SGCZ: variants seen among roughly 807,000 people sequenced by gnomAD.
SGCZ encodes sarcoglycan zeta, also known as zeta-sarcoglycan.
A neutral mutation model predicts 41.3 loss-of-function variants in SGCZ; 40 were observed. That is an observed-to-expected ratio of 0.97 (90% CI 0.75 to 1.26). The LOEUF is 1.26. Ranked by LOEUF, SGCZ falls within the 50% of genes most tolerant of loss-of-function variation. The probability of loss-of-function intolerance (pLI) is 0.00; values close to 1 mark genes in which losing one functional copy is unlikely to be tolerated. For missense variants in SGCZ, 552 were observed against 369.8 expected (o/e 1.49, Z -4.04); for synonymous variants, 206 against 137.5 (o/e 1.50, Z -3.49).
At chr8:14,164,738 T>C in intron 4 of SGCZ, 36 bp from the exon 5 acceptor site, 1 of 1,607,450 alleles carries the variant, frequency 6.2e-7, no homozygotes, top group East Asian at 2.2e-5. Context: ...ATGAAACTGG[T>C]ATGCAGGAAA....
chr8:14,732,770 T>G (rs1798904946), intron 1 of SGCZ, among the ~76,000 whole-genome samples: 1 of 152,102 alleles, frequency 6.6e-6, no homozygotes, highest in Non-Finnish European at 1.5e-5. Flanking sequence ...AGAGAAGTAT[T>G]TTATAAACTA....
chr8:14,125,502 T>C (rs1802824332), intron 5 of SGCZ, among the ~76,000 whole-genome samples: 1 of 87,340 alleles, frequency 1.1e-5, no homozygotes, highest in Admixed American at 1.3e-4. Flanking sequence ...AGATTCCGTC[T>C]CAAAAAAAAA....
intron 4 of SGCZ, among the ~76,000 whole-genome samples, chr8:14,172,454 T>C (rs1411975053): frequency 6.6e-6 from 1 of 152,170 alleles, no homozygotes; most frequent in African/African-American, 2.4e-5. Flanking sequence ...ATCCCACTGC[T>C]AAACTGAAAG....
chr8:14,380,684 T>C (rs1263993812), intron 2 of SGCZ, among the ~76,000 whole-genome samples: 1 of 152,090 alleles, frequency 6.6e-6, no homozygotes, highest in Non-Finnish European at 1.5e-5. Context: ...AATCCCAGTC[T>C]CTATGAAAAA....
At chr8:14,712,466 T>C (rs1809551773) in intron 1 of SGCZ, among the ~76,000 whole-genome samples, 1 of 152,248 alleles carries the variant, frequency 6.6e-6, no homozygotes, top group African/African-American at 2.4e-5. Flanking sequence ...TGTGAGGTTA[T>C]TCAGGACTGT....
chr8:15,176,665 T>G (rs1201641042), intron 1 of SGCZ, among the ~76,000 whole-genome samples: 3 of 152,214 alleles, frequency 2.0e-5, no homozygotes, highest in Admixed American at 6.5e-5. Flanking sequence ...ACAGAACAGT[T>G]TTCTCCTAAT....
At chr8:15,133,194 C>T (rs1807977451) in intron 1 of SGCZ, among the ~76,000 whole-genome samples, 1 of 150,164 alleles carries the variant, frequency 6.7e-6, no homozygotes, top group Non-Finnish European at 1.5e-5. Context: ...CTCAATTTAC[C>T]TAATTTCCCA....
chr8:14,524,047 T>A (rs954533647), intron 2 of SGCZ, among the ~76,000 whole-genome samples: 2 of 152,254 alleles, frequency 1.3e-5, no homozygotes, highest in Admixed American at 6.5e-5. Context: ...TTATTACATT[T>A]TTGTCAGGTA....
intron 2 of SGCZ, among the ~76,000 whole-genome samples, chr8:14,402,400 T>C (rs1262286109): frequency 6.6e-6 from 1 of 151,964 alleles, no homozygotes; most frequent in Non-Finnish European, 1.5e-5. Context: ...TAGGTTTTCT[T>C]CTAGGATTTT....
chr8:14,969,360 GT>G (rs1204152682), intron 1 of SGCZ, among the ~76,000 whole-genome samples: 1 of 152,044 alleles, frequency 6.6e-6, no homozygotes, highest in East Asian at 1.9e-4. Context: ...ATTCTTTAAT[GT>G]TTTATTGACT....
intron 1 of SGCZ, among the ~76,000 whole-genome samples, chr8:14,842,418 T>G (rs1802953527): frequency 9.4e-6 from 1 of 106,854 alleles, no homozygotes; most frequent in African/African-American, 3.7e-5. Context: ...CAAGAAAGGA[T>G]GGAAAGAAAG....
At chr8:14,861,965 A>C (rs911599128) in intron 1 of SGCZ, among the ~76,000 whole-genome samples, 6 of 152,162 alleles carry the variant, frequency 3.9e-5, no homozygotes, top group Non-Finnish European at 7.4e-5. Flanking sequence ...TGCTTCCACT[A>C]TAAAGGCACA....
intron 3 of SGCZ, among the ~76,000 whole-genome samples, chr8:14,306,443 T>G (rs1156346496): frequency 2.0e-5 from 3 of 152,206 alleles, no homozygotes; most frequent in Non-Finnish European, 4.4e-5. Context: ...ATATTGTAAT[T>G]TCTCTGTAAA....
chr8:15,000,982 C>T (rs1219217973), intron 1 of SGCZ, among the ~76,000 whole-genome samples: 2 of 152,180 alleles, frequency 1.3e-5, no homozygotes, highest in Admixed American at 6.5e-5. Flanking sequence ...ACAACATAGC[C>T]ACTTCACCAG....
intron 1 of SGCZ, among the ~76,000 whole-genome samples, chr8:14,610,346 C>G (rs1031936063): frequency 6.6e-6 from 1 of 152,172 alleles, no homozygotes; most frequent in African/African-American, 2.4e-5. Flanking sequence ...ATGAATCATT[C>G]TTTGATGGAG....
chr8:14,834,717 G>T (rs527868084), intron 1 of SGCZ, among the ~76,000 whole-genome samples: 18 of 152,256 alleles, frequency 1.2e-4, no homozygotes, highest in African/African-American at 3.6e-4. Flanking sequence ...TAATTTTGAA[G>T]AAGTCAGAAA....
intron 1 of SGCZ, among the ~76,000 whole-genome samples, chr8:14,708,575 C>A (rs1809405552): frequency 6.6e-6 from 1 of 151,704 alleles, no homozygotes; most frequent in African/African-American, 2.4e-5. Flanking sequence ...TGAGCCTGTC[C>A]CTGACCAACT....
At chr8:14,786,891 G>A (rs1232175676) in intron 1 of SGCZ, among the ~76,000 whole-genome samples, 1 of 150,552 alleles carries the variant, frequency 6.6e-6, no homozygotes, top group Non-Finnish European at 1.5e-5. Flanking sequence ...GATAAAGACA[G>A]CCCCCATACA....
chr8:14,480,578 G>C (rs372795861), intron 2 of SGCZ, among the ~76,000 whole-genome samples: 3 of 123,092 alleles, frequency 2.4e-5, no homozygotes, highest in East Asian at 7.1e-4. Flanking sequence ...TTCAATGTTC[G>C]TGTTTAATCA....
Sources: gnomAD v4.1 joint callset for allele counts (sites outside exome capture counted in the v4.1 genomes callset) on GRCh38, gnomAD v4.1.1 for gene constraint, MANE v1.5 for transcripts, NCBI Gene and HGNC (gene_info 2026-07-23, HGNC 2026-07-21) for gene names.